RB1CC1: variants seen among roughly 807,000 people sequenced by gnomAD.
The protein encoded by RB1CC1 is RB1 inducible coiled-coil 1.
In RB1CC1, 46 loss-of-function variants were observed where a neutral mutation model predicts 177.5. The ratio of observed to expected loss-of-function variants is 0.26; its 90% CI spans 0.20 to 0.33. The LOEUF is 0.33. Among genes scored for constraint, RB1CC1 ranks in the 10% least tolerant of loss-of-function variants. The pLI is 1.00. For missense variants in RB1CC1, 1,703 were observed against 1,816.3 expected (o/e 0.94, Z 1.13); for synonymous variants, 666 against 613.6 (o/e 1.09, Z -1.26).
chr8:52,693,664 T>C (rs1161850024), intron 1 of RB1CC1, among the ~76,000 whole-genome samples: 1 of 152,168 alleles, frequency 6.6e-6, no homozygotes, highest in Non-Finnish European at 1.5e-5. Flanking sequence ...AGTGTGGCGA[T>C]TCCTCAAAGA....
intron 22 of RB1CC1, among the ~76,000 whole-genome samples, chr8:52,627,785 T>C (rs1230879464): frequency 6.6e-6 from 1 of 152,102 alleles, no homozygotes; most frequent in African/African-American, 2.4e-5. Flanking sequence ...GCTAGGGTTA[T>C]GAGATGTCCG....
intron 18 of RB1CC1, among the ~76,000 whole-genome samples, chr8:52,637,687 A>G (rs1377774818): frequency 6.6e-6 from 1 of 151,664 alleles, no homozygotes; most frequent in East Asian, 1.9e-4. Context: ...TTATTTATAT[A>G]TTTATTTTTT....
rs1452847990 is a variant in RB1CC1 at position 52,642,524 on chromosome 8, T to G, written c.4164A>C (p.Glu1388Asp). 6.2e-7 allele frequency: 1 copy of G among 1,613,892 alleles called. No individual in the cohort carries two copies. Among genetic ancestry groups the G allele is most frequent in the African/African-American group, 1.3e-5 (1 of 74,902 alleles). Residue 1388 changes from glutamate to aspartate, a missense_variant, in exon 18 of 24, where the codon GAA (glutamate) becomes GAC (aspartate). Physicochemically the swap from Glu to Asp is conservative, Grantham distance 45 (BLOSUM62 2). This residue lies in a region of RB1CC1 where 1,169 missense variants were observed against 1,184.7 expected (regional missense o/e 0.99). Coordinates refer to ENST00000025008, the MANE Select transcript of RB1CC1 (RefSeq NM_014781.5). ...LLEEKKKLEE[E>D]VSKLRSSSFV... ...AACTGCTACTACGCAACTTACTGAC[T>G]TCTTCTTCAAGCTTTTTCTTTTCCT... is the stretch of plus-strand genomic sequence containing the variant.
intron 18 of RB1CC1, among the ~76,000 whole-genome samples, chr8:52,636,408 A>C (rs2150393351): frequency 6.6e-6 from 1 of 152,282 alleles, no homozygotes; most frequent in Non-Finnish European, 1.5e-5. Flanking sequence ...GTGGCTAAAG[A>C]CTTCAGTAGA....
chr8:52,665,835 G>A (rs901889620), intron 8 of RB1CC1, among the ~76,000 whole-genome samples: 3 of 152,136 alleles, frequency 2.0e-5, no homozygotes, highest in African/African-American at 7.2e-5. Flanking sequence ...TTGAAGAGGA[G>A]TCCAAAATTA....
intron 1 of RB1CC1, among the ~76,000 whole-genome samples, chr8:52,696,500 AAC>A (rs1215457550): frequency 6.6e-6 from 1 of 152,186 alleles, no homozygotes; most frequent in Admixed American, 6.5e-5. Flanking sequence ...CAAGGAAAAC[AAC>A]TTTAAAAGGC....
chr8:52,644,083 A>G (rs1849801491), intron 16 of RB1CC1, among the ~76,000 whole-genome samples: 1 of 152,170 alleles, frequency 6.6e-6, no homozygotes, highest in South Asian at 2.1e-4. Flanking sequence ...ATAAACCATT[A>G]TGTTTATTTT....
chr8:52,651,301 T>C (rs1342323711), intron 15 of RB1CC1, among the ~76,000 whole-genome samples: 1 of 152,152 alleles, frequency 6.6e-6, no homozygotes, highest in Non-Finnish European at 1.5e-5. Context: ...ATACTCTAGA[T>C]CAAGGGCAGG....
intron 21 of RB1CC1, 147 bp from the exon 22 acceptor site, chr8:52,628,315 T>TCAG (rs1389880982): frequency 1.1e-6 from 1 of 875,094 alleles, no homozygotes; most frequent in African/African-American, 1.8e-5. Context: ...TCTTTTTGCA[T>TCAG]TCTGCCCAGG....
chr8:52,656,469 C>T lies in RB1CC1; in HGVS notation c.3360G>A (p.Val1120=). Residue 1120 remains valine (V), a synonymous_variant, in exon 15 of 24, where the codon GTG becomes GTA. Coordinates refer to ENST00000025008, the MANE Select transcript of RB1CC1 (RefSeq NM_014781.5). ...TTAAAGTTCTTAGCTCTGCTAAGCCCACCTGATAATTTTCATTATTATCCT... is the reference window on the plus strand; with the variant it reads ...TTAAAGTTCTTAGCTCTGCTAAGCCTACCTGATAATTTTCATTATTATCCT... ...KIQDNNENYQ[V]GLAELRTLMT... The T allele has an allele frequency of 1.2e-6, 2 of 1,611,436 alleles. No homozygotes were observed. The highest frequency in any genetic ancestry group is 1.7e-6 in the Non-Finnish European group (2 of 1,179,740).
At chr8:52,658,220 C>T (rs907630638) in intron 13 of RB1CC1, 96 bp from the exon 14 acceptor site, 2 of 1,238,592 alleles carry the variant, frequency 1.6e-6, no homozygotes, top group Admixed American at 5.2e-5. Context: ...ATAACAAGAG[C>T]CTTATCATTC....
chr8:52,663,969 C>G (rs1851846511), intron 8 of RB1CC1, among the ~76,000 whole-genome samples: 1 of 152,124 alleles, frequency 6.6e-6, no homozygotes, highest in African/African-American at 2.4e-5. Context: ...TTAATAATTA[C>G]AACTGTGGTA....
At chr8:52,647,900 G>A (rs1357733315) in intron 15 of RB1CC1, among the ~76,000 whole-genome samples, 3 of 151,954 alleles carry the variant, frequency 2.0e-5, no homozygotes, top group Non-Finnish European at 4.4e-5. Flanking sequence ...CTGAAGGAGA[G>A]CTTTCAACAT....
In RB1CC1 at chr8:52,674,035, T is replaced by A. The variant is rs775463321; in HGVS notation, c.812A>T (p.Asp271Val). Residue 271 changes from aspartate to valine, a missense_variant, in exon 7 of 24, where the codon GAT becomes GTT. Physicochemically the swap from Asp to Val is radical, Grantham distance 152. Transcript: ENST00000025008. ...CCTAATTTCTTTGCCACTTTCAGCA[T>A]CTGCGGTATCTGGGGACACATGTTC... Reference protein sequence around the residue: ...SVEHVSPDTADAESGKEIRES... With the variant: ...SVEHVSPDTAVAESGKEIRES... The A allele has an allele frequency of 1.2e-6, 2 of 1,614,194 alleles. No individual in the cohort carries two copies. Among genetic ancestry groups the A allele is most frequent in the Admixed American group, 3.3e-5 (2 of 60,028 alleles).
chr8:52,682,902 A>C (rs928101969), intron 5 of RB1CC1, among the ~76,000 whole-genome samples: 3 of 152,158 alleles, frequency 2.0e-5, no homozygotes, highest in Admixed American at 6.5e-5. Context: ...ACTGCTTAAA[A>C]CAAATCTCTA....
intron 18 of RB1CC1, among the ~76,000 whole-genome samples, chr8:52,640,639 G>A (rs561275759): frequency 6.6e-6 from 1 of 152,192 alleles, no homozygotes; most frequent in East Asian, 1.9e-4. Flanking sequence ...TATGTAGAAT[G>A]AAGTTGGATA....
intron 15 of RB1CC1, among the ~76,000 whole-genome samples, chr8:52,651,890 C>T (rs2150449444): frequency 6.6e-6 from 1 of 152,160 alleles, no homozygotes; most frequent in East Asian, 1.9e-4. Context: ...AGAGATGTAC[C>T]AATAAATGTT....
At chr8:52,659,227 T>A (rs557781214) in intron 12 of RB1CC1, among the ~76,000 whole-genome samples, 11 of 152,300 alleles carry the variant, frequency 7.2e-5, no homozygotes, top group Admixed American at 3.9e-4. Context: ...GCTTTTAGCA[T>A]CATTTTATGG....
chr8:52,714,268 G>A lies in RB1CC1; in HGVS notation c.-360C>T, dbSNP rs1857317139. 1 of 198,478 alleles carries A rather than the reference G, an allele frequency of 5.0e-6. No individual in the cohort carries two copies. Among genetic ancestry groups the A allele is most frequent in the Non-Finnish European group, 1.1e-5 (1 of 92,846 alleles). 12.3% of individuals were successfully genotyped at this position (198,478 alleles called of 1,614,324 possible). A position where few individuals can be genotyped will look rare whatever the true frequency, so the allele number is the denominator to read the frequency against. On this transcript the variant is annotated 5_prime_UTR_variant, in exon 1 of 24. Transcript: ENST00000025008. ...CTAGGAGGCAGGGAGGGGTCCGGGC[G>A]GACAAGGACGCGAGCAGGCCCCTCG...
Sources: gnomAD v4.1 joint callset for allele counts (sites outside exome capture counted in the v4.1 genomes callset) on GRCh38, gnomAD v4.1.1 for gene constraint, gnomAD v4.1.1 regional missense constraint, MANE v1.5 for transcripts, NCBI Gene and HGNC (gene_info 2026-07-23, HGNC 2026-07-21) for gene names.